SLC5A4: variants seen among roughly 807,000 people sequenced by gnomAD.
SLC5A4 encodes the protein probable glucose sensor protein SLC5A4.
A neutral mutation model predicts 70.3 loss-of-function variants in SLC5A4; 55 were observed. That is an observed-to-expected ratio of 0.78 (90% CI 0.63 to 0.98). The LOEUF (loss-of-function observed/expected upper bound fraction) is 0.98. Among genes scored for constraint, SLC5A4 ranks in the 50% least tolerant of loss-of-function variants. The pLI is 0.00. For missense variants in SLC5A4, 735 were observed against 839.2 expected (o/e 0.88, Z 1.53); for synonymous variants, 268 against 305.7 (o/e 0.88, Z 1.29).
chr22:32,325,216 TGCTGGGG>T, the SLC5A4 span, among the ~76,000 whole-genome samples: 24 of 152,264 alleles, frequency 1.6e-4, no homozygotes, highest in African/African-American at 3.4e-4. Context: ...CTGGGCTGGG[TGCTGGGG>T]GCTCAGAACT....
At chr22:32,335,119 G>A in the SLC5A4 span, among the ~76,000 whole-genome samples, 175 of 152,310 alleles carry the variant, frequency 1.1e-3, 1 homozygote, top group Non-Finnish European at 2.0e-3. Context: ...GGTCGGGAAG[G>A]AGAGCCAGAC....
At chr22:32,351,437 C>T in the SLC5A4 span, among the ~76,000 whole-genome samples, 1 of 151,720 alleles carries the variant, frequency 6.6e-6, no homozygotes, top group Admixed American at 6.6e-5. Flanking sequence ...GGCGAGGTGG[C>T]TCACGCCTGT....
intron 6 of SLC5A4, among the ~76,000 whole-genome samples, 176 bp downstream of exon 6, chr22:32,238,809 G>A (rs1270555201): frequency 1.3e-5 from 2 of 152,184 alleles, no homozygotes; most frequent in Non-Finnish European, 2.9e-5. Context: ...TAATATGGAG[G>A]ATTCTGTGTT....
the SLC5A4 span, among the ~76,000 whole-genome samples, chr22:32,278,892 T>C: frequency 6.6e-6 from 1 of 152,130 alleles, no homozygotes; most frequent in Non-Finnish European, 1.5e-5. Flanking sequence ...GAGAAGAAAA[T>C]ATTTATAATT....
the SLC5A4 span, among the ~76,000 whole-genome samples, chr22:32,324,788 C>CGG: frequency 4.6e-5 from 7 of 152,350 alleles, no homozygotes; most frequent in East Asian, 1.3e-3. Flanking sequence ...CACTGTAGGC[C>CGG]ATCCTCACCG....
chr22:32,338,982 T>C, the SLC5A4 span, among the ~76,000 whole-genome samples: 1 of 152,144 alleles, frequency 6.6e-6, no homozygotes, highest in Non-Finnish European at 1.5e-5. Context: ...AAAGATTACA[T>C]GCAGTATAAA....
At chr22:32,244,675 G>A (rs955316301) in intron 5 of SLC5A4, among the ~76,000 whole-genome samples, 1 of 152,014 alleles carries the variant, frequency 6.6e-6, no homozygotes, top group Non-Finnish European at 1.5e-5. Flanking sequence ...CAATAAATGT[G>A]TGCCCCCATA....
the SLC5A4 span, among the ~76,000 whole-genome samples, chr22:32,319,031 A>G: frequency 1.3e-5 from 2 of 152,172 alleles, no homozygotes; most frequent in African/African-American, 2.4e-5. Context: ...GCCTCATCCA[A>G]CCTGCTGGAG....
the SLC5A4 span, among the ~76,000 whole-genome samples, chr22:32,340,473 G>C: frequency 6.6e-6 from 1 of 152,208 alleles, no homozygotes; most frequent in Non-Finnish European, 1.5e-5. Flanking sequence ...TCCAGCAGAG[G>C]AGACAGGCAC....
At chr22:32,267,255 A>G in the SLC5A4 span, among the ~76,000 whole-genome samples, 1 of 152,182 alleles carries the variant, frequency 6.6e-6, no homozygotes, top group African/African-American at 2.4e-5. Flanking sequence ...TAGCATAATT[A>G]AATCAAAATC....
At chr22:32,281,487 A>G in the SLC5A4 span, among the ~76,000 whole-genome samples, 20 of 152,124 alleles carry the variant, frequency 1.3e-4, no homozygotes, top group Admixed American at 3.3e-4. Flanking sequence ...CACTCCTAGC[A>G]CCAGCATTCA....
the SLC5A4 span, among the ~76,000 whole-genome samples, chr22:32,316,971 A>G: frequency 8.0e-6 from 1 of 124,840 alleles, no homozygotes; most frequent in South Asian, 2.5e-4. Flanking sequence ...TGTAAAACAC[A>G]GTCTACCTTC....
At chr22:32,220,274 A>G (rs547741409) in intron 14 of SLC5A4, among the ~76,000 whole-genome samples, 1 of 152,312 alleles carries the variant, frequency 6.6e-6, no homozygotes, top group Non-Finnish European at 1.5e-5. Context: ...AATCAAAAGG[A>G]ACAGAAAGCA....
the SLC5A4 span, among the ~76,000 whole-genome samples, chr22:32,307,754 G>A: frequency 3.3e-5 from 5 of 152,312 alleles, no homozygotes; most frequent in Non-Finnish European, 7.4e-5. Flanking sequence ...TTGTCTTCCG[G>A]AGGGGACAGG....
At chr22:32,249,348 A>C (rs932717147) in intron 3 of SLC5A4, among the ~76,000 whole-genome samples, 3 of 152,172 alleles carry the variant, frequency 2.0e-5, no homozygotes, top group African/African-American at 7.2e-5. Flanking sequence ...ACAGAGATTA[A>C]GGGGGCCCAA....
the SLC5A4 span, among the ~76,000 whole-genome samples, chr22:32,310,782 G>A: frequency 4.6e-5 from 7 of 152,220 alleles, no homozygotes; most frequent in Non-Finnish European, 8.8e-5. Flanking sequence ...TTCTTCATGG[G>A]GCTGTTGAGA....
chr22:32,270,789 C>A, the SLC5A4 span: 1 of 603,520 alleles, frequency 1.7e-6, no homozygotes, highest in Non-Finnish European at 3.1e-6. Flanking sequence ...TGAGTGCCGA[C>A]GGCCGCGTCA....
chr22:32,258,785 T>A (rs531977671), upstream of SLC5A4, among the ~76,000 whole-genome samples: 1 of 152,216 alleles, frequency 6.6e-6, no homozygotes, highest in Non-Finnish European at 1.5e-5. Flanking sequence ...CACACCCATG[T>A]TCATAAGTAC....
the SLC5A4 span, among the ~76,000 whole-genome samples, chr22:32,311,015 C>T: frequency 6.6e-6 from 1 of 152,224 alleles, no homozygotes; most frequent in African/African-American, 2.4e-5. Context: ...TTTGCACTAG[C>T]TGTTCCTTCT....
Sources: allele counts gnomAD v4.1 joint callset (sites outside exome capture counted in the v4.1 genomes callset), GRCh38; gene constraint gnomAD v4.1.1; transcripts MANE v1.5; gene names NCBI Gene and HGNC (gene_info 2026-07-23, HGNC 2026-07-21).